TMEM135: variants seen among roughly 807,000 people sequenced by gnomAD.
TMEM135 encodes the protein peroxisomal membrane protein 52.
In TMEM135, 30 loss-of-function variants were observed where a neutral mutation model predicts 60.3. The ratio of observed to expected loss-of-function variants is 0.50; its 90% confidence interval spans 0.37 to 0.68. The LOEUF is 0.68. Ranked by LOEUF, TMEM135 falls within the 30% of genes least tolerant of loss-of-function variation. The pLI, the probability that TMEM135 is intolerant of heterozygous loss-of-function variation, is 0.00. For missense variants in TMEM135, 468 were observed against 548.8 expected (o/e 0.85, Z 1.47); for synonymous variants, 190 against 186.7 (o/e 1.02, Z -0.14).
intron 4 of TMEM135, among the ~76,000 whole-genome samples, chr11:87,143,719 T>C (rs1161486391): frequency 6.6e-6 from 1 of 152,182 alleles, no homozygotes; most frequent in Non-Finnish European, 1.5e-5. Context: ...GAGTAGAATT[T>C]ATATTCAGAA....
chr11:87,215,916 C>T (rs765073457), intron 5 of TMEM135, among the ~76,000 whole-genome samples: 4 of 152,190 alleles, frequency 2.6e-5, no homozygotes, highest in Admixed American at 6.5e-5. Flanking sequence ...ATAGCCTCCT[C>T]TTAACCATAG....
At chr11:87,304,312 G>A (rs757622519) in intron 8 of TMEM135, among the ~76,000 whole-genome samples, 4 of 152,078 alleles carry the variant, frequency 2.6e-5, no homozygotes, top group African/African-American at 4.8e-5. Context: ...TCAAGGCTGC[G>A]GTGATCTATG....
intron 4 of TMEM135, among the ~76,000 whole-genome samples, chr11:87,131,131 A>T (rs1290903076): frequency 6.6e-6 from 1 of 151,724 alleles, no homozygotes; most frequent in African/African-American, 2.4e-5. Context: ...TTCTCATATT[A>T]CTCTGTTTCC....
intron 4 of TMEM135, among the ~76,000 whole-genome samples, chr11:87,125,491 T>G (rs611538): frequency 0.33 from 49,680 of 152,002 alleles, 8,555 homozygotes; most frequent in East Asian, 0.55. Flanking sequence ...GAATAATAAG[T>G]AAACAGGTCC....
chr11:87,288,072 C>T (rs1308398862), intron 6 of TMEM135, among the ~76,000 whole-genome samples: 2 of 152,170 alleles, frequency 1.3e-5, no homozygotes, highest in African/African-American at 4.8e-5. Context: ...TGCCTCTTAA[C>T]TCATCCAACT....
At chr11:87,240,810 G>C (rs1941116178) in intron 6 of TMEM135, among the ~76,000 whole-genome samples, 2 of 152,180 alleles carry the variant, frequency 1.3e-5, no homozygotes, top group South Asian at 4.1e-4. Context: ...TCCCAACCTA[G>C]TAAGTACCAG....
intron 12 of TMEM135, among the ~76,000 whole-genome samples, chr11:87,316,129 G>T (rs112064974): frequency 3.9e-4 from 59 of 152,064 alleles, no homozygotes; most frequent in Non-Finnish European, 7.2e-4. Flanking sequence ...CTTGGCTTTC[G>T]CAGTGAATGG....
chr11:87,268,831 T>TTCAGCTG (rs1187748166), intron 6 of TMEM135, among the ~76,000 whole-genome samples: 1 of 152,146 alleles, frequency 6.6e-6, no homozygotes, highest in Admixed American at 6.6e-5. Flanking sequence ...TAAGCTGGAT[T>TTCAGCTG]TCAGCTGTTT....
chr11:87,041,111 TAAC>T (rs1349652506), intron 1 of TMEM135, among the ~76,000 whole-genome samples: 2 of 152,222 alleles, frequency 1.3e-5, no homozygotes, highest in African/African-American at 4.8e-5. Flanking sequence ...TTGTGAGCGA[TAAC>T]AACTTACATT....
At chr11:87,217,699 C>T (rs536515164) in intron 5 of TMEM135, among the ~76,000 whole-genome samples, 4 of 151,900 alleles carry the variant, frequency 2.6e-5, no homozygotes, top group East Asian at 3.9e-4. Context: ...GCAGGAGAAT[C>T]GCTTGAACCA....
chr11:87,135,493 CTTTTT>C (rs376201118), intron 4 of TMEM135, among the ~76,000 whole-genome samples: 1 of 142,012 alleles, frequency 7.0e-6, no homozygotes, highest in East Asian at 2.1e-4. Context: ...AAGAGTTCAT[CTTTTT>C]TTTTTTTTTA....
intron 1 of TMEM135, among the ~76,000 whole-genome samples, chr11:87,055,166 C>G (rs1418769075): frequency 2.0e-5 from 3 of 152,028 alleles, no homozygotes; most frequent in African/African-American, 7.2e-5. Context: ...GAAGCCTTTC[C>G]TAAGGAAGTG....
chr11:87,258,235 CA>C (rs71470730), intron 6 of TMEM135, among the ~76,000 whole-genome samples: 53,315 of 150,180 alleles, frequency 0.36, 9,948 homozygotes, highest in Non-Finnish European at 0.42. Context: ...TATTTAAATA[CA>C]AAAAATGAGC....
intron 1 of TMEM135, among the ~76,000 whole-genome samples, chr11:87,040,440 C>T (rs1739565693): frequency 1.3e-5 from 2 of 152,158 alleles, no homozygotes; most frequent in Admixed American, 1.3e-4. Context: ...GTGTGGATCA[C>T]CTGAGGTCAG....
intron 1 of TMEM135, among the ~76,000 whole-genome samples, chr11:87,053,731 A>C (rs757400442): frequency 6.6e-6 from 1 of 152,164 alleles, no homozygotes. Flanking sequence ...ATAATACTTC[A>C]GATTTATTAT....
chr11:87,264,141 G>C (rs1941704631), intron 6 of TMEM135, among the ~76,000 whole-genome samples: 1 of 151,752 alleles, frequency 6.6e-6, no homozygotes, highest in Non-Finnish European at 1.5e-5. Flanking sequence ...AATTAGTGCT[G>C]TTAAAAATTT....
intron 11 of TMEM135, among the ~76,000 whole-genome samples, chr11:87,314,201 T>TC (rs1381896275): frequency 6.6e-5 from 10 of 151,960 alleles, no homozygotes; most frequent in African/African-American, 2.4e-4. Context: ...GCAAGACCAC[T>TC]CCTCTTTAAA....
intron 5 of TMEM135, among the ~76,000 whole-genome samples, chr11:87,212,338 T>G (rs1940390127): frequency 6.6e-6 from 1 of 152,126 alleles, no homozygotes; most frequent in South Asian, 2.1e-4. Context: ...TGTAGAATAG[T>G]TACTCTAAAT....
At chr11:87,162,557 C>CT (rs146959550) in intron 5 of TMEM135, among the ~76,000 whole-genome samples, 55,916 of 151,896 alleles carry the variant, frequency 0.37, 10,830 homozygotes, top group East Asian at 0.67. Context: ...GAAGTCATCC[C>CT]TTTTATGGCT....
Sources: allele counts gnomAD v4.1 joint callset (sites outside exome capture counted in the v4.1 genomes callset), GRCh38; gene constraint gnomAD v4.1.1; transcripts MANE v1.5; gene names NCBI Gene and HGNC (gene_info 2026-07-23, HGNC 2026-07-21).